The following PACS2 variants were observed in gnomAD, a reference collection of about 807,000 sequenced individuals.
PACS2 encodes the protein phosphofurin acidic cluster sorting protein 2.
PACS2 carries 36 observed loss-of-function variants against 113.0 expected under a neutral mutation model. The ratio of observed to expected loss-of-function variants is 0.32; its 90% CI spans 0.24 to 0.42. PACS2 has a LOEUF of 0.42. Among genes scored for constraint, PACS2 ranks in the 10% least tolerant of loss-of-function variants. The probability of loss-of-function intolerance (pLI) is 1.00; values close to 1 mark genes in which losing one functional copy is unlikely to be tolerated. For synonymous variants in PACS2, 589 were observed against 536.1 expected, an observed-to-expected ratio of 1.10 and a Z score of -1.36; for missense variants, 1,015 against 1,239.5, an observed-to-expected ratio of 0.82 and a Z score of 2.72.
In PACS2 at chr14:105,358,808, A is replaced by T. The variant is rs1566937307; in HGVS notation, c.423+3631A>T. ...TCATGGTGGGACACAGGAAGACCTC[A>T]GGGTAAGGACAGCGCGGGAGCGTCA... On this transcript the variant is annotated intron_variant, in intron 4 of 24. Coordinates refer to ENST00000447393, the MANE Select transcript of PACS2 (RefSeq NM_001100913.3). The surrounding 1 kb of genome is among the most constrained non-coding windows in gnomAD (Gnocchi z 4.9). 6.6e-6 allele frequency among the ~76,000 whole-genome samples: 1 copy of T among 152,190 alleles called. No individual in the cohort carries two copies. The highest frequency in any genetic ancestry group is 1.5e-5 in the Non-Finnish European group (1 of 68,014).
intron 1 of PACS2, among the ~76,000 whole-genome samples, chr14:105,325,955 G>A (rs767676956): frequency 2.6e-5 from 4 of 152,220 alleles, no homozygotes; most frequent in African/African-American, 4.8e-5. Flanking sequence ...AGGTGACCAG[G>A]GACCAGTTGA....
chr14:105,367,191 G>A (rs2060971293), intron 4 of PACS2, 22 bp from the exon 5 acceptor site: 5 of 1,610,364 alleles, frequency 3.1e-6, no homozygotes, highest in Non-Finnish European at 4.2e-6. Flanking sequence ...CTGCTTTCTA[G>A]AACCGTGCCC....
At chr14:105,316,300 C>T (rs1271060421) in intron 1 of PACS2, among the ~76,000 whole-genome samples, 1 of 152,222 alleles carries the variant, frequency 6.6e-6, no homozygotes, top group South Asian at 2.1e-4. Context: ...GCCTGCTTGC[C>T]TCTCTTCTGG....
Position 105,384,392 on chromosome 14 carries a change from A to G in PACS2, c.1820A>G (p.Tyr607Cys). Residue 607 changes from tyrosine to cysteine, a missense_variant, in exon 17 of 25, where the codon TAC becomes TGC. Physicochemically the swap from Tyr to Cys is radical, Grantham distance 194. Coordinates refer to ENST00000447393, the MANE Select transcript of PACS2 (RefSeq NM_001100913.3). ...GCCAGGTACCTAGGCTCCGTGGACTACCGCTACAACAACTTCTTCCAGGAC... is the reference window on the plus strand; with the variant it reads ...GCCAGGTACCTAGGCTCCGTGGACTGCCGCTACAACAACTTCTTCCAGGAC... ...PVARYLGSVD[Y>C]RYNNFFQDLA... The G allele has an allele frequency of 6.2e-7, 1 of 1,612,380 alleles. No homozygotes were observed. Among genetic ancestry groups the G allele is most frequent in the South Asian group, 1.1e-5 (1 of 91,074 alleles).
intron 1 of PACS2, chr14:105,336,715 G>A (rs2059536292): frequency 6.6e-6 from 1 of 152,390 alleles, no homozygotes; most frequent in Non-Finnish European, 1.5e-5. Context: ...GGCCACTGTG[G>A]GGAGGGCGTC....
Position 105,354,719 on chromosome 14 carries a change from CTG to C in PACS2, c.298-331_298-330del, listed in dbSNP as rs2060364958. On this transcript the variant is annotated intron_variant, in intron 3 of 24. Coordinates refer to ENST00000447393, the MANE Select transcript of PACS2 (RefSeq NM_001100913.3). This position sits in a 1 kb window ranked among gnomAD's most constrained non-coding sequence, Gnocchi z 4.2. Reference sequence around the variant, plus strand: ...TGCCTCAGGCACATGAGCCGCCACACTGTTTCCGAGTGTCCACAGGCGCGCTC... The same window carrying C: ...TGCCTCAGGCACATGAGCCGCCACACTTTCCGAGTGTCCACAGGCGCGCTC... 6.6e-6 allele frequency among the ~76,000 whole-genome samples: 1 copy of C among 152,242 alleles called. No homozygotes were observed. Among genetic ancestry groups the C allele is most frequent in the African/African-American group, 2.4e-5 (1 of 41,466 alleles).
At chr14:105,369,808 G>A (rs374378086) in intron 7 of PACS2, 33 bp from the exon 8 acceptor site, 32 of 1,534,890 alleles carry the variant, frequency 2.1e-5, no homozygotes, top group East Asian at 7.3e-5. Context: ...CAGCTCTGGC[G>A]GCGGCTCTGA....
In PACS2 at chr14:105,355,475, T is replaced by C. The variant is rs1261656164; in HGVS notation, c.423+298T>C. Among the ~76,000 whole-genome samples, 1 of 152,216 alleles carries C rather than the reference T, an allele frequency of 6.6e-6. No homozygotes were observed. The highest frequency in any genetic ancestry group is 2.4e-5 in the African/African-American group (1 of 41,460). On this transcript the variant is annotated intron_variant, in intron 4 of 24. Transcript: ENST00000447393. The surrounding 1 kb of genome is among the most constrained non-coding windows in gnomAD (Gnocchi z 4.1). ...GTGGAGGCTGGGTTTTGGGTCAGGC[T>C]GCTCTGGAGTCCTTCCCATGGAGGA...
rs1291047194 is a variant in PACS2 at position 105,376,487 on chromosome 14, G to A, written c.802-281G>A. Among the ~76,000 whole-genome samples, 1 of 152,166 alleles carries A rather than the reference G, an allele frequency of 6.6e-6. No homozygotes were observed. Among genetic ancestry groups the A allele is most frequent in the Non-Finnish European group, 1.5e-5 (1 of 68,018 alleles). On this transcript the variant is annotated intron_variant, in intron 8 of 24. Coordinates refer to ENST00000447393, the MANE Select transcript of PACS2 (RefSeq NM_001100913.3). This position sits in a 1 kb window ranked among gnomAD's most constrained non-coding sequence, Gnocchi z 4.7. The stretch of plus-strand genomic sequence containing the variant: ...GGCCCACACCCGTCAGAGCTCACCT[G>A]CCTGCACCCAGGCCCTCCGTGCACC...
chr14:105,328,231 C>G (rs1344496454), intron 1 of PACS2, among the ~76,000 whole-genome samples: 1 of 152,222 alleles, frequency 6.6e-6, no homozygotes, highest in Non-Finnish European at 1.5e-5. Context: ...ACCCCCTGCC[C>G]CAACCCCCGG....
chr14:105,373,695 G>A (rs1167469373), intron 8 of PACS2, among the ~76,000 whole-genome samples: 1 of 152,066 alleles, frequency 6.6e-6, no homozygotes, highest in Non-Finnish European at 1.5e-5. Context: ...GGCTGAGGTG[G>A]GAGAATCACC....
At chr14:105,382,180 G>A in intron 13 of PACS2, 122 bp downstream of exon 13, 1 of 1,107,388 alleles carries the variant, frequency 9.0e-7, no homozygotes, top group Non-Finnish European at 1.3e-6. Flanking sequence ...AGCATGCCTG[G>A]GCTTTGGAGG....
intron 1 of PACS2, among the ~76,000 whole-genome samples, chr14:105,322,455 G>A (rs1203470124): frequency 6.6e-5 from 10 of 151,400 alleles, no homozygotes; most frequent in Non-Finnish European, 7.4e-5. Flanking sequence ...TAGTAGAGAC[G>A]GGGTTTCACC....
chr14:105,341,739 G>T (rs782470703), intron 1 of PACS2, among the ~76,000 whole-genome samples: 19 of 152,154 alleles, frequency 1.2e-4, no homozygotes, highest in African/African-American at 4.3e-4. Flanking sequence ...GAGTCTTGCC[G>T]TGTTGCCCAG....
At chr14:105,389,837 C>G in intron 19 of PACS2, 124 bp from the exon 20 acceptor site, 1 of 852,910 alleles carries the variant, frequency 1.2e-6, no homozygotes, top group Non-Finnish European at 2.0e-6. Context: ...GGCTGTCCGG[C>G]AGGGCCATCC....
rs2060926679 is a variant in PACS2 at position 105,365,884 on chromosome 14, G to A, written c.424-1329G>A. On this transcript the variant is annotated intron_variant, in intron 4 of 24. Coordinates refer to ENST00000447393, the MANE Select transcript of PACS2 (RefSeq NM_001100913.3). This position sits in a 1 kb window ranked among gnomAD's most constrained non-coding sequence, Gnocchi z 5.1. ...AAGTACGTGAAGCTGCGTGTGCCCC[G>A]GCGAGTTGTGGGCACGAGGGCGTCA... is the stretch of plus-strand genomic sequence containing the variant. Among the ~76,000 whole-genome samples, 1 of 152,258 alleles carries A rather than the reference G, an allele frequency of 6.6e-6. No homozygotes were observed.
chr14:105,362,417 A>G (rs79674173), intron 4 of PACS2, among the ~76,000 whole-genome samples: 2 of 137,200 alleles, frequency 1.5e-5, no homozygotes, highest in South Asian at 2.2e-4. Context: ...ACTCCGTCTC[A>G]AAAAAAAAAA....
At position 105,355,014 on chromosome 14, in the gene PACS2, G is replaced by A. The variant is rs781793403; in HGVS notation, c.298-38G>A. On this transcript the variant is annotated intron_variant, in intron 3 of 24. Transcript: ENST00000447393. This position sits in a 1 kb window ranked among gnomAD's most constrained non-coding sequence, Gnocchi z 4.1. ...AGGCCGTGATGCTGCCTGGGGCCCC[G>A]GTGCACCCTCAGCTGCCACTCGCAC... The A allele has an allele frequency of 2.8e-5, 45 of 1,604,494 alleles. No homozygotes were observed. Among genetic ancestry groups the A allele is most frequent in the African/African-American group, 1.7e-4 (13 of 74,704 alleles).
chr14:105,345,784 C>CTTAG (rs2140987969), intron 1 of PACS2, among the ~76,000 whole-genome samples: 1 of 152,298 alleles, frequency 6.6e-6, no homozygotes, highest in African/African-American at 2.4e-5. Context: ...TATCACCTCT[C>CTTAG]TTAGTCTCTC....
Sources: allele counts gnomAD v4.1 joint callset (sites outside exome capture counted in the v4.1 genomes callset), GRCh38; gene constraint gnomAD v4.1.1; non-coding constraint Gnocchi (gnomAD v3.1); transcripts MANE v1.5; gene names NCBI Gene and HGNC (gene_info 2026-07-23, HGNC 2026-07-21).